Variants in ZCCHC2 observed in about 807,000 individuals in gnomAD.
ZCCHC2 encodes the protein zinc finger CCHC-type containing 2, also known as zinc finger CCHC domain-containing protein 2.
Under a neutral mutation model 103.6 loss-of-function variants are expected in ZCCHC2, and 39 were observed. The observed-to-expected ratio is 0.38, with a 90% confidence interval of 0.29 to 0.49. ZCCHC2 has a LOEUF of 0.49. Among genes scored for constraint, ZCCHC2 ranks in the 20% least tolerant of loss-of-function variants. The pLI is 0.96. For synonymous variants in ZCCHC2, 687 were observed against 608.9 expected, an observed-to-expected ratio of 1.13 and a Z score of -1.89; for missense variants, 1,483 against 1,491.0, an observed-to-expected ratio of 0.99 and a Z score of 0.09.
rs150869297 is a variant in ZCCHC2 at position 62,534,204 on chromosome 18, A to C, written c.940-5477A>C. 2.6e-5 allele frequency among the ~76,000 whole-genome samples: 4 copies of C among 152,134 alleles called. 1 individual carries two copies. The East Asian group carries it at 7.7e-4, about 29-fold the overall frequency. ...TACATGCCTGTAGTCCTAGCTACTC[A>C]AGAGACGGAGGTGGGAAGATTGCTT... is the stretch of plus-strand genomic sequence containing the variant. On this transcript the variant is annotated intron_variant, in intron 1 of 13. Transcript: ENST00000269499.
At chr18:62,583,927 A>C (rs1917100033) in intron 14 of ZCCHC2, among the ~76,000 whole-genome samples, 1 of 151,950 alleles carries the variant, frequency 6.6e-6, no homozygotes, top group South Asian at 2.1e-4. Context: ...CCTTCAGATG[A>C]CCCTGTGCAG....
At chr18:62,559,902 C>A (rs1291636156) in intron 7 of ZCCHC2, among the ~76,000 whole-genome samples, 2 of 152,174 alleles carry the variant, frequency 1.3e-5, no homozygotes, top group African/African-American at 4.8e-5. Flanking sequence ...TACAGCATAA[C>A]AACTATTTGC....
chr18:62,528,728 T>C (rs1221792913), intron 1 of ZCCHC2, among the ~76,000 whole-genome samples: 4 of 152,196 alleles, frequency 2.6e-5, no homozygotes, highest in African/African-American at 9.7e-5. Flanking sequence ...TTAAAAGAGT[T>C]TTAACATCAA....
At chr18:62,583,513 C>T (rs1418317371), downstream of ZCCHC2, among the ~76,000 whole-genome samples, 1 of 152,110 alleles carries the variant, frequency 6.6e-6, no homozygotes, top group African/African-American at 2.4e-5. Flanking sequence ...TTAACAGCAC[C>T]ATCCATTTGA....
intron 1 of ZCCHC2, among the ~76,000 whole-genome samples, chr18:62,531,965 C>T (rs1914696428): frequency 6.6e-6 from 1 of 152,018 alleles, no homozygotes; most frequent in Non-Finnish European, 1.5e-5. Flanking sequence ...GCCTGAGCAA[C>T]AGAGTGAGAC....
intron 8 of ZCCHC2, among the ~76,000 whole-genome samples, chr18:62,562,384 TTC>T (rs1445906538): frequency 6.6e-6 from 1 of 152,192 alleles, no homozygotes; most frequent in Non-Finnish European, 1.5e-5. Context: ...GACCAATTTT[TTC>T]TTCATTGATT....
Position 62,577,217 on chromosome 18 carries a change from TGTC to T in ZCCHC2, c.*639_*641del, listed in dbSNP as rs1053732084. On this transcript the variant is annotated 3_prime_UTR_variant, in exon 14 of 14. Coordinates refer to ENST00000269499, the MANE Select transcript of ZCCHC2 (RefSeq NM_017742.6). ...GTAAATACATATATGCAGTGCTTGT[TGTC>T]CAAATAGAAATGAAAATAAGTGGAA... is the stretch of plus-strand genomic sequence containing the variant. 1.1e-3 allele frequency: 166 copies of T among 152,754 alleles called. No homozygotes were observed. Among genetic ancestry groups the T allele is most frequent in the African/African-American group, 3.9e-3 (161 of 41,562 alleles). 9.5% of individuals were successfully genotyped at this position (152,754 alleles called of 1,614,324 possible).
At chr18:62,530,662 A>G (rs1914636696) in intron 1 of ZCCHC2, among the ~76,000 whole-genome samples, 2 of 152,154 alleles carry the variant, frequency 1.3e-5, no homozygotes, top group Admixed American at 6.5e-5. Flanking sequence ...CAGTTATTTT[A>G]TTTTTGTTAG....
chr18:62,528,227 T>A (rs552471923), intron 1 of ZCCHC2, among the ~76,000 whole-genome samples: 202 of 152,366 alleles, frequency 1.3e-3, no homozygotes, highest in African/African-American at 4.6e-3. Context: ...CAAAACATAT[T>A]TGAGTTCATC....
chr18:62,542,724 A>T, intron 3 of ZCCHC2, 150 bp downstream of exon 3: 1 of 631,044 alleles, frequency 1.6e-6, no homozygotes, highest in South Asian at 2.8e-5. Context: ...ATACTACTGC[A>T]TGGTTTGCCA....
At chr18:62,552,723 A>T (rs546217268) in intron 5 of ZCCHC2, among the ~76,000 whole-genome samples, 4 of 151,912 alleles carry the variant, frequency 2.6e-5, no homozygotes, top group Admixed American at 2.0e-4. Context: ...CCCCATCTCT[A>T]CAAAAAAAAT....
rs150940655 is a variant in ZCCHC2, at chr18:62,577,596, G to A, written c.*1017G>A. The A allele has an allele frequency of 6.5e-5, 10 of 152,682 alleles. No individual in the cohort carries two copies. The highest frequency in any genetic ancestry group is 2.4e-4 in the African/African-American group (10 of 41,540). The allele number at this position is 152,682 out of a possible 1,614,324, so 9.5% of individuals were successfully genotyped here. On this transcript the variant is annotated 3_prime_UTR_variant, in exon 14 of 14. Coordinates refer to ENST00000269499, the MANE Select transcript of ZCCHC2 (RefSeq NM_017742.6). ...AGCTATGGGTTTCTACCATAAGTCA[G>A]GTTGTTTGTTCCCTAACCTGTCTCT...
chr18:62,523,929 G>A lies in ZCCHC2; in HGVS notation c.505G>A (p.Val169Met). ...GPLADFREPA[V>M]RSRLIVYLAL... ...GCTGGCCGACTTCCGAGAGCCCGCGGTGCGCTCGCGCCTCATCGTCTACCT... is the reference window on the plus strand; with the variant it reads ...GCTGGCCGACTTCCGAGAGCCCGCGATGCGCTCGCGCCTCATCGTCTACCT... The change falls in exon 1 of 14, where the codon GTG becomes ATG. Residue 169 changes from valine (V) to methionine (M), a missense_variant. Physicochemically the swap from Val to Met is conservative, Grantham distance 21. Around this residue, in one of 3 missense-constraint regions of ZCCHC2, gnomAD observed 568 missense variants for 525.1 expected, o/e 1.08. Coordinates refer to ENST00000269499, the MANE Select transcript of ZCCHC2 (RefSeq NM_017742.6). The A allele has an allele frequency of 6.5e-7, 1 of 1,529,568 alleles. No individual in the cohort carries two copies. The highest frequency in any genetic ancestry group is 8.8e-7 in the Non-Finnish European group (1 of 1,141,920). The allele number at this position is 1,529,568 out of a possible 1,614,324, so 94.7% of individuals were successfully genotyped here. A position where few individuals can be genotyped will look rare whatever the true frequency, so the allele number is the denominator to read the frequency against.
At chr18:62,552,699 G>T (rs1189436402) in intron 5 of ZCCHC2, among the ~76,000 whole-genome samples, 1 of 151,994 alleles carries the variant, frequency 6.6e-6, no homozygotes. Flanking sequence ...AACAGCCTGG[G>T]CAACATAGTG....
chr18:62,524,495 T>C, intron 1 of ZCCHC2, 132 bp downstream of exon 1: 1 of 1,341,344 alleles, frequency 7.5e-7, no homozygotes, highest in Non-Finnish European at 9.6e-7. Context: ...ACCCGGCAGC[T>C]CCCAGCGCCA....
rs1390607885 is a variant in ZCCHC2, at chr18:62,542,454, A to G, written c.1052-44A>G. The stretch of plus-strand genomic sequence containing the variant: ...TACTTTAGGTAAGTGAAATGTGTCT[A>G]TAGTCTTTGTAGCACAAGTCACCGT... On this transcript the variant is annotated intron_variant, in intron 2 of 13. Transcript: ENST00000269499. 6.0e-6 allele frequency: 9 copies of G among 1,496,808 alleles called. No individual in the cohort carries two copies. In the Admixed American group the frequency reaches 8.0e-5, roughly 13 times the overall value. 92.7% of individuals were successfully genotyped at this position (1,496,808 alleles called of 1,614,324 possible). A position where few individuals can be genotyped will look rare whatever the true frequency, so the allele number is the denominator to read the frequency against.
chr18:62,525,540 A>G (rs1433806817), intron 1 of ZCCHC2: 1 of 152,214 alleles, frequency 6.6e-6, no homozygotes, highest in Non-Finnish European at 1.5e-5. Context: ...TCAGTACCCC[A>G]GAACTAAAAT....
chr18:62,526,664 C>T lies in ZCCHC2; in HGVS notation c.939+2301C>T, dbSNP rs552206659. Reference sequence around the variant, plus strand: ...GAGGGCGGGCGCACCTCCCCATCGTCAGGGATGAGCCCAAAGCTCGCGCGC... The same window carrying T: ...GAGGGCGGGCGCACCTCCCCATCGTTAGGGATGAGCCCAAAGCTCGCGCGC... On this transcript the variant is annotated intron_variant, in intron 1 of 13. Coordinates refer to ENST00000269499, the MANE Select transcript of ZCCHC2 (RefSeq NM_017742.6). Among the ~76,000 whole-genome samples the T allele has an allele frequency of 2.6e-5, 4 of 152,284 alleles. No individual in the cohort carries two copies. In the East Asian group the frequency reaches 5.8e-4, roughly 22 times the overall value.
chr18:62,548,013 G>A (rs79390545), intron 4 of ZCCHC2, among the ~76,000 whole-genome samples: 4,515 of 152,220 alleles, frequency 0.03, 222 homozygotes, highest in African/African-American at 0.1. Context: ...TTGAAAGTTT[G>A]CTGAATGATT....
Sources: allele counts gnomAD v4.1 joint callset (sites outside exome capture counted in the v4.1 genomes callset), GRCh38; gene constraint gnomAD v4.1.1; regional missense constraint gnomAD v4.1.1; transcripts MANE v1.5; gene names NCBI Gene and HGNC (gene_info 2026-07-23, HGNC 2026-07-21).